Variants in PSG9 observed in about 807,000 individuals in gnomAD.
The protein encoded by PSG9 is pregnancy specific beta-1-glycoprotein 9, also known as pregnancy-specific beta-1-glycoprotein 9.
Under a neutral mutation model 41.9 loss-of-function variants are expected in PSG9, and 49 were observed. The ratio of observed to expected loss-of-function variants is 1.17; its 90% CI spans 0.93 to 1.48. PSG9 has a LOEUF of 1.48. Ranked by LOEUF, PSG9 falls within the 40% of genes most tolerant of loss-of-function variation. The pLI, the probability that PSG9 is intolerant of heterozygous loss-of-function variation, is 0.00. For synonymous variants in PSG9, 263 were observed against 196.8 expected, an observed-to-expected ratio of 1.34 and a Z score of -2.82; for missense variants, 641 against 520.3, an observed-to-expected ratio of 1.23 and a Z score of -2.26.
intron 2 of PSG9, among the ~76,000 whole-genome samples, chr19:43,263,189 A>G (rs1375610891): frequency 1.3e-5 from 2 of 152,144 alleles, no homozygotes; most frequent in African/African-American, 2.4e-5. Flanking sequence ...AGGAGCTGGG[A>G]TCAGGGGAAT....
rs769896212 is a variant in PSG9, at chr19:43,268,103, C to A, written c.111G>T (p.Thr37=). The A allele has an allele frequency of 1.2e-6, 2 of 1,612,922 alleles. No homozygotes were observed. Among genetic ancestry groups the A allele is most frequent in the Non-Finnish European group, 1.7e-6 (2 of 1,179,370 alleles). ...AAACTTTGGGTGGCTGGGCTTCAAT[C>A]GTGACTTCGGCAGTGGTGGGCGGGT... ...FWNPPTTAEV[T]IEAQPPKVSE... is the part of the protein sequence containing the mutation. The change falls in exon 2 of 6, where the codon ACG becomes ACT. Residue 37 remains threonine, a synonymous_variant. Transcript: ENST00000270077.
chr19:43,262,367 G>A (rs751774071), intron 2 of PSG9, among the ~76,000 whole-genome samples: 7 of 152,114 alleles, frequency 4.6e-5, no homozygotes, highest in Non-Finnish European at 1.0e-4. Context: ...TGTGAATTGA[G>A]CAGCAGCATT....
In PSG9 at chr19:43,259,036, G is replaced by C; in HGVS notation, c.809C>G (p.Thr270Ser). 1 of 1,590,858 alleles carries C rather than the reference G, an allele frequency of 6.3e-7. No homozygotes were observed. Among genetic ancestry groups the C allele is most frequent in the Non-Finnish European group, 8.5e-7 (1 of 1,174,516 alleles). The change falls in exon 4 of 6, where the codon ACC becomes AGC. Residue 270 changes from threonine to serine, a missense_variant. Physicochemically the swap from Thr to Ser is moderately conservative, Grantham distance 58. Coordinates refer to ENST00000270077, the MANE Select transcript of PSG9 (RefSeq NM_002784.5). ...FTCEPKSENYTYIWWLNGQSL... is the reference protein window; with the variant it reads ...FTCEPKSENYSYIWWLNGQSL... Reference sequence around the variant, plus strand: ...CTGACCGTTTAGCCACCAAATGTAGGTGTAGTTCTCACTCTTAGGTTCACA... The same window carrying C: ...CTGACCGTTTAGCCACCAAATGTAGCTGTAGTTCTCACTCTTAGGTTCACA...
At chr19:43,261,364 G>A (rs1968701014) in intron 3 of PSG9, among the ~76,000 whole-genome samples, 1 of 152,174 alleles carries the variant, frequency 6.6e-6, no homozygotes, top group Admixed American at 6.5e-5. Flanking sequence ...AGAATGCTCT[G>A]CCAGTGGGTG....
At chr19:43,257,507 A>T in intron 5 of PSG9, 1 of 977,744 alleles carries the variant, frequency 1.0e-6, no homozygotes, top group Non-Finnish European at 1.2e-6. Flanking sequence ...AGCCTCATAC[A>T]GCTGGTGACT....
At chr19:43,257,665 C>G in intron 5 of PSG9, 1 of 1,061,866 alleles carries the variant, frequency 9.4e-7, no homozygotes, top group Non-Finnish European at 1.1e-6. Flanking sequence ...TCTACACACA[C>G]GCTAGTCCCA....
In PSG9 at chr19:43,258,982, C is replaced by G. The variant is rs748385870; in HGVS notation, c.863G>C (p.Arg288Pro). ...QSLPVSPGVK[R>P]PIENRILILP... ...AATGAGTATCCTGTTTTCAATGGGT[C>G]GCTTTACCCCGGGACTGACGGGGAG... The change falls in exon 4 of 6, where the codon CGA (arginine) becomes CCA (proline). Residue 288 changes from arginine to proline, a missense_variant. Arg to Pro is a moderately radical substitution (Grantham distance 103). Coordinates refer to ENST00000270077, the MANE Select transcript of PSG9 (RefSeq NM_002784.5). 1.1e-5 allele frequency: 17 copies of G among 1,590,506 alleles called. 3 individuals are homozygous for G. The highest frequency in any genetic ancestry group is 1.4e-5 in the Non-Finnish European group (16 of 1,174,450).
chr19:43,265,982 A>G (rs1157788567), intron 2 of PSG9, among the ~76,000 whole-genome samples: 1 of 152,016 alleles, frequency 6.6e-6, no homozygotes, highest in Non-Finnish European at 1.5e-5. Flanking sequence ...AAGGGAACCG[A>G]ACAGCCAGCC....
chr19:43,260,645 T>C (rs1488152815), intron 3 of PSG9: 1 of 126,808 alleles, frequency 7.9e-6, no homozygotes, highest in Non-Finnish European at 1.6e-5. Flanking sequence ...CCACCTTTTC[T>C]GGTTGCATCT....
chr19:43,259,029 A>C lies in PSG9; in HGVS notation c.816T>G (p.Ile272Met). ...CEPKSENYTY[I>M]WWLNGQSLPV... is the part of the protein sequence containing the mutation. ...GGAGGCTCTGACCGTTTAGCCACCA[A>C]ATGTAGGTGTAGTTCTCACTCTTAG... Residue 272 changes from isoleucine (I) to methionine (M), a missense_variant, in exon 4 of 6, where the codon ATT becomes ATG. Transcript: ENST00000270077. The C allele has an allele frequency of 1.9e-6, 3 of 1,590,642 alleles. No homozygotes were observed. Among genetic ancestry groups the C allele is most frequent in the Non-Finnish European group, 2.6e-6 (3 of 1,174,448 alleles).
Position 43,268,150 on chromosome 19 carries a change from C to T in PSG9, c.65-1G>A, listed in dbSNP as rs3746297. On this transcript the variant is annotated splice_acceptor_variant, in intron 1 of 5. Coordinates refer to ENST00000270077, the MANE Select transcript of PSG9 (RefSeq NM_002784.5). LOFTEE classifies it high-confidence loss of function. ...GGGTTCCAGAAGTTTAAAAGTGATG[C>T]TAGGAGGGGGAGACAGCATCAGTTA... 131,748 of 1,596,428 alleles carry T rather than the reference C, an allele frequency of 0.083. 9,230 individuals are homozygous for T. The highest frequency in any genetic ancestry group is 0.39 in the East Asian group (17,503 of 44,738).
intron 2 of PSG9, among the ~76,000 whole-genome samples, chr19:43,262,881 A>G (rs908864966): frequency 1.7e-4 from 26 of 152,178 alleles, no homozygotes; most frequent in African/African-American, 6.3e-4. Context: ...TTCTGGGTCC[A>G]TGATGCTCCC....
At chr19:43,262,973 G>C (rs2039004326) in intron 2 of PSG9, among the ~76,000 whole-genome samples, 1 of 152,204 alleles carries the variant, frequency 6.6e-6, no homozygotes, top group Admixed American at 6.5e-5. Flanking sequence ...GAACTGACTG[G>C]TGGAAAGGGT....
chr19:43,259,490 C>A (rs576509070), intron 3 of PSG9: 1 of 291,196 alleles, frequency 3.4e-6, no homozygotes, highest in Non-Finnish European at 6.0e-6. Context: ...TGTGCAACTG[C>A]TGGGCCCCTT....
Position 43,257,992 on chromosome 19 carries a change from G to T in PSG9, c.1243+210C>A, listed in dbSNP as rs1315056757. On this transcript the variant is annotated intron_variant, in intron 5 of 5. Transcript: ENST00000270077. ...TAAAGCCCCCTCCCTACCTTTTTCAGGCCAGACACAAGGTCAGCCATAAGA... is the reference window on the plus strand; with the variant it reads ...TAAAGCCCCCTCCCTACCTTTTTCATGCCAGACACAAGGTCAGCCATAAGA... 19 of 1,487,034 alleles carry T rather than the reference G, an allele frequency of 1.3e-5. 1 individual carries two copies. Among genetic ancestry groups the T allele is most frequent in the Middle Eastern group, 2.5e-4 (1 of 4,034 alleles). The allele number at this position is 1,487,034 out of a possible 1,614,324, so 92.1% of individuals were successfully genotyped here. A position where few individuals can be genotyped will look rare whatever the true frequency, so the allele number is the denominator to read the frequency against.
chr19:43,263,820 G>A (rs1222804249), intron 2 of PSG9, among the ~76,000 whole-genome samples: 1 of 152,048 alleles, frequency 6.6e-6, no homozygotes, highest in African/African-American at 2.4e-5. Context: ...CCGTTAAAAG[G>A]ACCGAACTGG....
intron 2 of PSG9, among the ~76,000 whole-genome samples, chr19:43,264,322 T>C (rs758697396): frequency 2.0e-5 from 3 of 152,178 alleles, no homozygotes; most frequent in Non-Finnish European, 4.4e-5. Context: ...GTTGTTCCAC[T>C]TTTTCTTCCC....
In PSG9 at chr19:43,269,401, G is replaced by A. The variant is rs377427610; in HGVS notation, c.31C>T (p.Gln11Ter). 17 of 1,613,590 alleles carry A rather than the reference G, an allele frequency of 1.1e-5. No homozygotes were observed. Among genetic ancestry groups the A allele is most frequent in the Non-Finnish European group, 1.1e-5 (13 of 1,179,724 alleles). The change falls in exon 1 of 6, where the codon CAG (glutamine) becomes TAG (stop). Residue 11 changes from glutamine (Q) to a stop codon, truncating the protein, a stop_gained. Transcript: ENST00000270077. LOFTEE classifies it high-confidence loss of function. The stretch of plus-strand genomic sequence containing the variant: ...AGGAGCCCCTTCCAGGTGATGCGCT[G>A]TGTGCAGGAAGGGGCTGGGAGGGGC... The part of the protein sequence containing the change: MGPLPAPSCT[Q>*]RITWKGLLLT...
At position 43,255,239 on chromosome 19, in the gene PSG9, C is replaced by A. The variant is rs191650751; in HGVS notation, c.1244-1593G>T. 2.5e-4 allele frequency among the ~76,000 whole-genome samples: 37 copies of A among 146,438 alleles called. 9 individuals are homozygous for A. The highest frequency in any genetic ancestry group is 2.4e-3 in the Admixed American group (35 of 14,744). On this transcript the variant is annotated intron_variant, in intron 5 of 5. Transcript: ENST00000270077. ...ATAACCTAGATGAAATGGACCAACT[C>A]CTAGAACCACACAAAAATATGAGTA... is the stretch of plus-strand genomic sequence containing the variant.
Sources: allele counts gnomAD v4.1 joint callset (sites outside exome capture counted in the v4.1 genomes callset), GRCh38; gene constraint gnomAD v4.1.1; transcripts MANE v1.5; gene names NCBI Gene and HGNC (gene_info 2026-07-23, HGNC 2026-07-21).